Variants in ZFP14 observed in about 807,000 individuals in gnomAD.
The protein encoded by ZFP14 is zinc finger protein 14 homolog.
A neutral mutation model predicts 54.5 loss-of-function variants in ZFP14; 22 were observed. The ratio of observed to expected loss-of-function variants is 0.40; its 90% CI spans 0.29 to 0.58. The LOEUF is 0.58. ZFP14 is among the 20% of genes least tolerant of loss of function. The pLI, the probability that ZFP14 is intolerant of heterozygous loss-of-function variation, is 0.39. For synonymous variants in ZFP14, 159 were observed against 204.0 expected, an observed-to-expected ratio of 0.78 and a Z score of 1.88; for missense variants, 470 against 637.8, an observed-to-expected ratio of 0.74 and a Z score of 2.83.
chr19:36,365,955 C>T (rs1227667041), intron 2 of ZFP14, among the ~76,000 whole-genome samples: 1 of 126,396 alleles, frequency 7.9e-6, no homozygotes, highest in Non-Finnish European at 1.7e-5. Flanking sequence ...GTGAGACCTT[C>T]TGTCAAAAAA....
intron 4 of ZFP14, among the ~76,000 whole-genome samples, chr19:36,346,474 TG>T (rs2031416337): frequency 6.6e-6 from 1 of 151,668 alleles, no homozygotes; most frequent in African/African-American, 2.4e-5. Flanking sequence ...TTTTTTTTTT[TG>T]AGACAGAGTC....
At chr19:36,370,562 C>T (rs2031863473) in intron 1 of ZFP14, among the ~76,000 whole-genome samples, 1 of 152,244 alleles carries the variant, frequency 6.6e-6, no homozygotes, top group South Asian at 2.1e-4. Flanking sequence ...TGCAATCAGG[C>T]ACATAACAGT....
chr19:36,358,076 CT>C lies in ZFP14; in HGVS notation c.235+2358del, dbSNP rs56782891. On this transcript the variant is annotated intron_variant, in intron 4 of 4. Coordinates refer to ENST00000270001, the MANE Select transcript of ZFP14 (RefSeq NM_020917.3). Reference sequence around the variant, plus strand: ...TCTATCTATCTATCTATCTATCTATCTATCTATCTATCTATCATCTATCTAT... The same window carrying C: ...TCTATCTATCTATCTATCTATCTATCATCTATCTATCTATCATCTATCTAT... 5.3e-3 allele frequency among the ~76,000 whole-genome samples: 775 copies of C among 146,428 alleles called. 8 individuals carry two copies. The highest frequency in any genetic ancestry group is 0.019 in the African/African-American group (742 of 39,244).
intron 1 of ZFP14, among the ~76,000 whole-genome samples, chr19:36,375,926 C>G (rs949662674): frequency 6.6e-6 from 1 of 152,004 alleles, no homozygotes; most frequent in South Asian, 2.1e-4. Flanking sequence ...CTCCTGACCT[C>G]GGGTAATGCA....
rs1267143625 is a variant in ZFP14 at position 36,349,237 on chromosome 19, AAAAAAC to A, written c.236-7653_236-7648del. The stretch of plus-strand genomic sequence containing the variant: ...TAAGAGGGGAACTCTGTCTCAAAAA[AAAAAAC>A]AAAAAAAAAAAAACAAAAAAAAAAA... On this transcript the variant is annotated intron_variant, in intron 4 of 4. Transcript: ENST00000270001. Among the ~76,000 whole-genome samples, 6 of 45,162 alleles carry A rather than the reference AAAAAAC, an allele frequency of 1.3e-4. 1 individual carries two copies. The highest frequency in any genetic ancestry group is 1.3e-3 in the South Asian group (2 of 1,484). 29.6% of individuals were successfully genotyped at this position (45,162 alleles called of 152,430 possible).
rs1002601187 is a variant in ZFP14 at position 36,350,697 on chromosome 19, T to C, written c.236-9107A>G. Among the ~76,000 whole-genome samples the C allele has an allele frequency of 2.1e-5, 3 of 141,750 alleles. 1 individual carries two copies. The highest frequency in any genetic ancestry group is 4.7e-5 in the Non-Finnish European group (3 of 64,308). The allele number at this position is 141,750 out of a possible 152,430, so 93.0% of individuals were successfully genotyped here. On this transcript the variant is annotated intron_variant, in intron 4 of 4. Coordinates refer to ENST00000270001, the MANE Select transcript of ZFP14 (RefSeq NM_020917.3). Reference sequence around the variant, plus strand: ...ACTACAAAACTACACCACAATATAATTGGGATTTTTACATTTCACTGCAAT... The same window carrying C: ...ACTACAAAACTACACCACAATATAACTGGGATTTTTACATTTCACTGCAAT...
intron 3 of ZFP14, 57 bp downstream of exon 3, chr19:36,362,055 A>AAT: frequency 6.5e-7 from 1 of 1,526,904 alleles, no homozygotes; most frequent in Non-Finnish European, 8.8e-7. Flanking sequence ...TTTTCTAAAT[A>AAT]TAGTCCTGAA....
chr19:36,372,028 GAGAA>G (rs1450198532), intron 1 of ZFP14, among the ~76,000 whole-genome samples: 4 of 113,730 alleles, frequency 3.5e-5, no homozygotes, highest in South Asian at 2.9e-4. Flanking sequence ...AGGAAGGAAG[GAGAA>G]AGAAAGAAAA....
intron 1 of ZFP14, among the ~76,000 whole-genome samples, chr19:36,372,488 T>C (rs1336433835): frequency 6.6e-6 from 1 of 151,980 alleles, no homozygotes; most frequent in Non-Finnish European, 1.5e-5. Flanking sequence ...ACCAGAAAAT[T>C]GGATAACCTA....
intron 3 of ZFP14, 146 bp from the exon 4 acceptor site, chr19:36,360,679 A>G: frequency 1.5e-6 from 1 of 664,150 alleles, no homozygotes; most frequent in Non-Finnish European, 2.4e-6. Context: ...AAGAATGCTC[A>G]TATTAAGGTA....
chr19:36,364,127 T>C (rs1380810021), intron 2 of ZFP14, among the ~76,000 whole-genome samples: 2 of 152,244 alleles, frequency 1.3e-5, no homozygotes, highest in Non-Finnish European at 2.9e-5. Flanking sequence ...AGGTATCTAT[T>C]TGCAGTCCTA....
chr19:36,369,395 CT>C (rs375431589), intron 1 of ZFP14, among the ~76,000 whole-genome samples: 1 of 151,820 alleles, frequency 6.6e-6, no homozygotes, highest in African/African-American at 2.4e-5. Context: ...TTTCTTTTTT[CT>C]TTTTTTGGTT....
intron 3 of ZFP14, among the ~76,000 whole-genome samples, chr19:36,361,903 A>G (rs1027378643): frequency 5.3e-5 from 8 of 152,188 alleles, no homozygotes; most frequent in African/African-American, 1.9e-4. Flanking sequence ...ATCCCCTTGG[A>G]TACTAAGGAA....
intron 1 of ZFP14, among the ~76,000 whole-genome samples, chr19:36,370,371 A>G (rs2031861014): frequency 6.6e-6 from 1 of 151,894 alleles, no homozygotes; most frequent in Non-Finnish European, 1.5e-5. Context: ...CCAACCCCAG[A>G]CTCCAGGCCA....
chr19:36,359,249 A>T (rs2031670028), intron 4 of ZFP14, among the ~76,000 whole-genome samples: 1 of 152,192 alleles, frequency 6.6e-6, no homozygotes, highest in African/African-American at 2.4e-5. Context: ...ATTTTTGTAT[A>T]TCATTATATT....
chr19:36,335,682 G>C lies in ZFP14; in HGVS notation c.*4542C>G, dbSNP rs954133092. ...AAAATGCAATCCTACATTTTTACTT[G>C]TACTGGAATGAATATACACGTTTGT... On this transcript the variant is annotated 3_prime_UTR_variant, in exon 5 of 5. Transcript: ENST00000270001. 6.6e-6 allele frequency: 1 copy of C among 151,896 alleles called. No homozygotes were observed. The highest frequency in any genetic ancestry group is 2.4e-5 in the African/African-American group (1 of 41,334). The allele number at this position is 151,896 out of a possible 1,614,324, so 9.4% of individuals were successfully genotyped here. A position where few individuals can be genotyped will look rare whatever the true frequency, so the allele number is the denominator to read the frequency against.
chr19:36,353,367 T>G lies in ZFP14; in HGVS notation c.235+7068A>C, dbSNP rs1213036650. 2.1e-5 allele frequency among the ~76,000 whole-genome samples: 3 copies of G among 142,694 alleles called. 1 individual carries two copies. The highest frequency in any genetic ancestry group is 4.7e-5 in the Non-Finnish European group (3 of 64,300). The allele number at this position is 142,694 out of a possible 152,430, so 93.6% of individuals were successfully genotyped here. A position where few individuals can be genotyped will look rare whatever the true frequency, so the allele number is the denominator to read the frequency against. On this transcript the variant is annotated intron_variant, in intron 4 of 4. Coordinates refer to ENST00000270001, the MANE Select transcript of ZFP14 (RefSeq NM_020917.3). ...GTCTTCAAACTATCCATCATGCCCTTATTCAATCTATTCTCTGTAGAGTGG... is the reference window on the plus strand; with the variant it reads ...GTCTTCAAACTATCCATCATGCCCTGATTCAATCTATTCTCTGTAGAGTGG...
chr19:36,338,034 C>G lies in ZFP14; in HGVS notation c.*2190G>C, dbSNP rs2031238062. ...ATTTTTTTTTTGAGACAGGGTCTCA[C>G]TCTGTCACCCAGGCTGGAGTGCAGT... On this transcript the variant is annotated 3_prime_UTR_variant, in exon 5 of 5. Coordinates refer to ENST00000270001, the MANE Select transcript of ZFP14 (RefSeq NM_020917.3). The G allele has an allele frequency of 6.6e-6, 1 of 152,136 alleles. No individual in the cohort carries two copies. Among genetic ancestry groups the G allele is most frequent in the Non-Finnish European group, 1.5e-5 (1 of 68,058 alleles). The allele number at this position is 152,136 out of a possible 1,614,324, so 9.4% of individuals were successfully genotyped here.
chr19:36,362,324 A>C, intron 2 of ZFP14, 86 bp from the exon 3 acceptor site: 1 of 1,431,626 alleles, frequency 7.0e-7, no homozygotes, highest in African/African-American at 1.5e-5. Context: ...ATTGCATTGC[A>C]GAGAGGGGTC....
Sources: allele counts gnomAD v4.1 joint callset (sites outside exome capture counted in the v4.1 genomes callset), GRCh38; gene constraint gnomAD v4.1.1; transcripts MANE v1.5; gene names NCBI Gene and HGNC (gene_info 2026-07-23, HGNC 2026-07-21).